CDC73: variants seen among roughly 807,000 people sequenced by gnomAD.
CDC73 encodes parafibromin.
CDC73 carries 21 observed loss-of-function variants against 83.7 expected under a neutral mutation model. The ratio of observed to expected loss-of-function variants is 0.25; its 90% confidence interval spans 0.18 to 0.36. The LOEUF is 0.36. CDC73 is among the 10% of genes least tolerant of loss of function. The probability of loss-of-function intolerance (pLI) is 1.00; values close to 1 mark genes in which losing one functional copy is unlikely to be tolerated. For missense variants in CDC73, 342 were observed against 653.3 expected, an observed-to-expected ratio of 0.52 and a Z score of 5.19; for synonymous variants, 224 against 212.9, an observed-to-expected ratio of 1.05 and a Z score of -0.45.
intron 10 of CDC73, among the ~76,000 whole-genome samples, chr1:193,166,813 A>G (rs1676442857): frequency 6.6e-6 from 1 of 151,862 alleles, no homozygotes. Flanking sequence ...ACGCCCGGCT[A>G]TTTTGTATTT....
chr1:193,173,926 AT>A (rs1676561771), intron 10 of CDC73, among the ~76,000 whole-genome samples: 1 of 152,120 alleles, frequency 6.6e-6, no homozygotes. Context: ...TTATTCTAAT[AT>A]GTTATGAAAA....
At chr1:193,165,482 C>T (rs1256822502) in intron 10 of CDC73, among the ~76,000 whole-genome samples, 1 of 152,156 alleles carries the variant, frequency 6.6e-6, no homozygotes, top group African/African-American at 2.4e-5. Flanking sequence ...ACGTTTTACA[C>T]AGTCTCAGGA....
In CDC73 at chr1:193,152,361, A is replaced by ATATT. The variant is rs1676129473; in HGVS notation, c.908-19_908-18insTATT. The ATATT allele has an allele frequency of 6.4e-7, 1 of 1,560,732 alleles. No homozygotes were observed. The highest frequency in any genetic ancestry group is 8.8e-7 in the Non-Finnish European group (1 of 1,131,980). Reference sequence around the variant, plus strand: ...CATGATCTATAAAATCTTAACAATAAGCCTCTTTTTTTTCGTAGAAACGGA... The same window carrying ATATT: ...CATGATCTATAAAATCTTAACAATAATATTGCCTCTTTTTTTTCGTAGAAACGGA... On this transcript the variant is annotated intron_variant, in intron 9 of 16. Transcript: ENST00000367435.
chr1:193,199,376 A>T (rs978799975), intron 10 of CDC73, among the ~76,000 whole-genome samples: 1 of 152,048 alleles, frequency 6.6e-6, no homozygotes, highest in African/African-American at 2.4e-5. Context: ...TTGTGCAACA[A>T]AATGAGGCCT....
chr1:193,247,932 TAAAG>T (rs755727004), intron 15 of CDC73, among the ~76,000 whole-genome samples: 3 of 152,062 alleles, frequency 2.0e-5, no homozygotes, highest in Non-Finnish European at 4.4e-5. Context: ...CAAGTGCTGA[TAAAG>T]AAGCTGCAGC....
intron 15 of CDC73, among the ~76,000 whole-genome samples, chr1:193,248,770 G>C (rs1677995236): frequency 6.6e-6 from 1 of 152,046 alleles, no homozygotes; most frequent in Non-Finnish European, 1.5e-5. Context: ...ACTAGCATTA[G>C]AAGTGGAGCT....
At chr1:193,249,585 G>A (rs923390571) in intron 15 of CDC73, 145 bp from the exon 16 acceptor site, 3 of 651,818 alleles carry the variant, frequency 4.6e-6, no homozygotes, top group South Asian at 1.9e-5. Context: ...AGTGGCTGGC[G>A]TGTATAAACC....
chr1:193,152,828 G>T lies in CDC73; in HGVS notation c.972+384G>T, dbSNP rs1558289462. On this transcript the variant is annotated intron_variant, in intron 10 of 16. Transcript: ENST00000367435. ...AGAGTCTCGCTCTGTCGCCCAGGCT[G>T]GAGTGCAGTGGTGCGATCTCGGCTC... 2.0e-5 allele frequency among the ~76,000 whole-genome samples: 3 copies of T among 152,054 alleles called. No homozygotes were observed. The East Asian group carries it at 5.8e-4, about 29-fold the overall frequency.
At chr1:193,197,603 C>A (rs1195935382) in intron 10 of CDC73, among the ~76,000 whole-genome samples, 2 of 152,016 alleles carry the variant, frequency 1.3e-5, no homozygotes, top group Non-Finnish European at 2.9e-5. Context: ...TTTCTGTTTT[C>A]TTATCTGGCA....
intron 1 of CDC73, among the ~76,000 whole-genome samples, chr1:193,124,554 T>C (rs754787645): frequency 6.6e-6 from 1 of 152,202 alleles, no homozygotes; most frequent in Non-Finnish European, 1.5e-5. Context: ...TCTTGCACCG[T>C]TAGTAGACTA....
At chr1:193,203,676 C>G in intron 10 of CDC73, 119 bp from the exon 11 acceptor site, 2 of 835,142 alleles carry the variant, frequency 2.4e-6, no homozygotes. Context: ...GTGGAGTAAC[C>G]AACTGAGTGA....
chr1:193,173,567 G>A (rs868853701), intron 10 of CDC73, among the ~76,000 whole-genome samples: 1 of 151,994 alleles, frequency 6.6e-6, no homozygotes, highest in Non-Finnish European at 1.5e-5. Context: ...TTGTCTTTTT[G>A]TAATTCGTTT....
intron 10 of CDC73, among the ~76,000 whole-genome samples, chr1:193,198,854 T>C (rs1677043622): frequency 6.6e-6 from 1 of 152,230 alleles, no homozygotes; most frequent in Non-Finnish European, 1.5e-5. Context: ...TTTGCTTGTT[T>C]GTTTGTTGTA....
rs533595476 is a variant in CDC73 at position 193,140,648 on chromosome 1, T to TAACA, written c.513-1201_513-1198dup. 2.6e-4 allele frequency among the ~76,000 whole-genome samples: 40 copies of TAACA among 152,292 alleles called. 1 individual carries two copies. In the South Asian group the frequency reaches 7.9e-3, roughly 30 times the overall value. On this transcript the variant is annotated intron_variant, in intron 6 of 16. Coordinates refer to ENST00000367435, the MANE Select transcript of CDC73 (RefSeq NM_024529.5). ...ATAACCGAGATGGCTATTAAGCGAC[T>TAACA]AACAGGCAGTGTATACAGTATGGAT...
intron 11 of CDC73, among the ~76,000 whole-genome samples, chr1:193,210,226 T>G (rs919064408): frequency 3.9e-5 from 6 of 152,240 alleles, no homozygotes; most frequent in Non-Finnish European, 7.3e-5. Context: ...TATGACAGTT[T>G]ATCACAATGA....
chr1:193,178,861 TA>T (rs1676658557), intron 10 of CDC73, among the ~76,000 whole-genome samples: 7 of 152,138 alleles, frequency 4.6e-5, no homozygotes, highest in Admixed American at 4.6e-4. Context: ...CCCTTAATAA[TA>T]GAATAAGAGG....
chr1:193,233,416 C>A (rs896377207), intron 14 of CDC73, among the ~76,000 whole-genome samples: 3 of 152,184 alleles, frequency 2.0e-5, no homozygotes, highest in African/African-American at 7.2e-5. Flanking sequence ...TGTTTTTTCT[C>A]ATGTGAGCAA....
At chr1:193,147,777 C>T (rs983585306) in intron 7 of CDC73, 90 bp from the exon 8 acceptor site, 9 of 781,774 alleles carry the variant, frequency 1.2e-5, no homozygotes, top group African/African-American at 3.4e-5. Flanking sequence ...AGGGAAGAAT[C>T]GATAGTAAGA....
At chr1:193,154,016 C>G (rs1027368680) in intron 10 of CDC73, among the ~76,000 whole-genome samples, 1 of 152,180 alleles carries the variant, frequency 6.6e-6, no homozygotes, top group Admixed American at 6.5e-5. Context: ...TAGATACTCC[C>G]ATCTTATGCG....
Sources: gnomAD v4.1 joint callset for allele counts (sites outside exome capture counted in the v4.1 genomes callset) on GRCh38, gnomAD v4.1.1 for gene constraint, MANE v1.5 for transcripts, NCBI Gene and HGNC (gene_info 2026-07-23, HGNC 2026-07-21) for gene names.